The following CNTFR variants were observed in gnomAD, a reference collection of about 807,000 sequenced individuals.
CNTFR encodes the protein ciliary neurotrophic factor receptor subunit alpha.
A neutral mutation model predicts 40.4 loss-of-function variants in CNTFR; 12 were observed. The ratio of observed to expected loss-of-function variants is 0.30; its 90% CI spans 0.19 to 0.48. The LOEUF (loss-of-function observed/expected upper bound fraction) is 0.48. Among genes scored for constraint, CNTFR ranks in the 20% least tolerant of loss-of-function variants. The probability of loss-of-function intolerance (pLI) is 0.99; values close to 1 mark genes in which losing one functional copy is unlikely to be tolerated. For missense variants in CNTFR, 414 were observed against 506.8 expected (o/e 0.82, Z 1.76); for synonymous variants, 202 against 209.6 (o/e 0.96, Z 0.31).
chr9:34,569,031 G>T (rs748640401), intron 2 of CNTFR, 50 bp from the exon 3 acceptor site: 36 of 1,504,918 alleles, frequency 2.4e-5, no homozygotes, highest in Non-Finnish European at 3.3e-5. Context: ...GCCCAGGCAG[G>T]ACTGTCCTGG....
chr9:34,582,626 A>T (rs1331797137), intron 1 of CNTFR: 1 of 152,254 alleles, frequency 6.6e-6, no homozygotes, highest in Non-Finnish European at 1.5e-5. Flanking sequence ...CCAGAGATGC[A>T]GAGACACCAC....
chr9:34,560,609 C>G (rs961615676), intron 4 of CNTFR, among the ~76,000 whole-genome samples: 7 of 152,238 alleles, frequency 4.6e-5, no homozygotes, highest in Non-Finnish European at 1.0e-4. Flanking sequence ...GAATTCACAG[C>G]ATGTTCACAC....
At position 34,578,384 on chromosome 9, in the gene CNTFR, G is replaced by C. The variant is rs574890630; in HGVS notation, c.-1+2711C>G. Among the ~76,000 whole-genome samples, 578 of 152,250 alleles carry C rather than the reference G, an allele frequency of 3.8e-3. 4 individuals carry two copies. The highest frequency in any genetic ancestry group is 0.013 in the African/African-American group (529 of 41,554). On this transcript the variant is annotated intron_variant, in intron 2 of 9. Coordinates refer to ENST00000378980, the MANE Select transcript of CNTFR (RefSeq NM_147164.3). Reference sequence around the variant, plus strand: ...GAGGAGATGTGGCACTTGATGCTGGGGGAGGGGAGGCAGAAGGGACCCTCC... The same window carrying C: ...GAGGAGATGTGGCACTTGATGCTGGCGGAGGGGAGGCAGAAGGGACCCTCC...
In CNTFR at chr9:34,564,789, T is replaced by C. The variant is rs1826212902; in HGVS notation, c.129A>G (p.Thr43=). The C allele has an allele frequency of 1.9e-6, 3 of 1,614,042 alleles. No individual in the cohort carries two copies. The highest frequency in any genetic ancestry group is 1.1e-5 in the South Asian group (1 of 91,080). ...VQYERLGSDV[T]LPCGTANWDA... is the part of the protein sequence containing the mutation. ...CCCAGTTTGCTGTCCCACATGGCAG[T>C]GTCACGTCAGAGCCCAGGCGCTCGT... Residue 43 remains threonine (T), a synonymous_variant, in exon 4 of 10, where the codon ACA becomes ACG. Transcript: ENST00000378980.
At position 34,552,097 on chromosome 9, in the gene CNTFR, A is replaced by C; in HGVS notation, c.*-26T>G. ...CTGTAGAGACAGGCAGGGGCCTGTC[A>C]GGGAGGGGGCTGGAGTGGGGGTTCC... On this transcript the variant is annotated intron_variant, in intron 9 of 9. Coordinates refer to ENST00000378980, the MANE Select transcript of CNTFR (RefSeq NM_147164.3). This position sits in a 1 kb window ranked among gnomAD's most constrained non-coding sequence, Gnocchi z 5.1. 1 of 1,590,528 alleles carries C rather than the reference A, an allele frequency of 6.3e-7. No individual in the cohort carries two copies. Among genetic ancestry groups the C allele is most frequent in the Non-Finnish European group, 8.6e-7 (1 of 1,164,648 alleles).
rs1825697946 is a variant in CNTFR, at chr9:34,552,917, C to T, written c.769-63G>A. 1 of 1,545,734 alleles carries T rather than the reference C, an allele frequency of 6.5e-7. No individual in the cohort carries two copies. Among genetic ancestry groups the T allele is most frequent in the Admixed American group, 1.9e-5 (1 of 53,590 alleles). On this transcript the variant is annotated intron_variant, in intron 7 of 9. Coordinates refer to ENST00000378980, the MANE Select transcript of CNTFR (RefSeq NM_147164.3). This position sits in a 1 kb window ranked among gnomAD's most constrained non-coding sequence, Gnocchi z 5.1. The stretch of plus-strand genomic sequence containing the variant: ...TGGGGGCCAGGAGGGTGAGGTCCCT[C>T]CAGAGGAAGTGAGCATGCCTCTGAG...
chr9:34,552,659 C>A lies in CNTFR; in HGVS notation c.949+15G>T. 6.2e-7 allele frequency: 1 copy of A among 1,610,324 alleles called. No individual in the cohort carries two copies. The highest frequency in any genetic ancestry group is 1.1e-5 in the South Asian group (1 of 90,786). On this transcript the variant is annotated intron_variant, in intron 8 of 9. Coordinates refer to ENST00000378980, the MANE Select transcript of CNTFR (RefSeq NM_147164.3). This position sits in a 1 kb window ranked among gnomAD's most constrained non-coding sequence, Gnocchi z 5.1. ...GGACAGCAAAGCCAGGAGGTAGGGG[C>A]GGGAGCAAGCTCACCCGCAGCCTGG...
chr9:34,554,465 T>A (rs1426722944), intron 7 of CNTFR, among the ~76,000 whole-genome samples: 2 of 152,190 alleles, frequency 1.3e-5, no homozygotes, highest in African/African-American at 4.8e-5. Context: ...CTTGCTAGGT[T>A]ATCAGTGATC....
intron 2 of CNTFR, chr9:34,580,306 G>A (rs1001266412): frequency 5.9e-5 from 9 of 152,140 alleles, no homozygotes; most frequent in African/African-American, 1.7e-4. Flanking sequence ...GGTCCTCTGG[G>A]AACAGTGGGG....
chr9:34,566,868 A>C (rs1826321392), intron 3 of CNTFR, among the ~76,000 whole-genome samples: 1 of 152,212 alleles, frequency 6.6e-6, no homozygotes, highest in African/African-American at 2.4e-5. Context: ...GCTGCACAAA[A>C]AAAGTAGAAA....
At chr9:34,585,033 C>A (rs1016020064) in intron 1 of CNTFR, among the ~76,000 whole-genome samples, 2 of 152,220 alleles carry the variant, frequency 1.3e-5, no homozygotes, top group African/African-American at 2.4e-5. Flanking sequence ...GTGATTCATG[C>A]CTCAACATTT....
intron 4 of CNTFR, among the ~76,000 whole-genome samples, chr9:34,564,262 C>T (rs909414393): frequency 1.3e-5 from 2 of 152,208 alleles, no homozygotes; most frequent in African/African-American, 2.4e-5. Flanking sequence ...TCCTCCAGCT[C>T]AGATCCGTGA....
At position 34,578,979 on chromosome 9, in the gene CNTFR, C is replaced by G. The variant is rs188811552; in HGVS notation, c.-1+2116G>C. ...ACTCCTAGGGTCTCCAGGGAGGGAC[C>G]AGGCTGCCCAGAGGGTGACGGACAG... On this transcript the variant is annotated intron_variant, in intron 2 of 9. Transcript: ENST00000378980. Among the ~76,000 whole-genome samples the G allele has an allele frequency of 6.0e-3, 919 of 152,322 alleles. 11 individuals carry two copies. Among genetic ancestry groups the G allele is most frequent in the African/African-American group, 0.02 (843 of 41,550 alleles).
At chr9:34,577,807 G>A (rs1254894608) in intron 2 of CNTFR, among the ~76,000 whole-genome samples, 2 of 151,914 alleles carry the variant, frequency 1.3e-5, no homozygotes, top group Non-Finnish European at 2.9e-5. Flanking sequence ...GGCTGCAGAG[G>A]CAGGGGGGCT....
In CNTFR at chr9:34,552,761, C is replaced by T; in HGVS notation, c.862G>A (p.Gly288Arg). The T allele has an allele frequency of 3.7e-6, 6 of 1,613,878 alleles. No individual in the cohort carries two copies. The highest frequency in any genetic ancestry group is 5.1e-6 in the Non-Finnish European group (6 of 1,179,956). ...GCTACGCTCCAGTCACTCCATGTCCCAATCTCATTGTCCTTGGCTGCCACC... is the reference window on the plus strand; with the variant it reads ...GCTACGCTCCAGTCACTCCATGTCCTAATCTCATTGTCCTTGGCTGCCACC... ...IQVAAKDNEI[G>R]TWSDWSVAAH... Residue 288 changes from glycine to arginine, a missense_variant, in exon 8 of 10, where the codon GGG becomes AGG. Physicochemically the swap from Gly to Arg is moderately radical, Grantham distance 125. Transcript: ENST00000378980. The surrounding 1 kb of genome is among the most constrained non-coding windows in gnomAD (Gnocchi z 5.1).
chr9:34,553,187 G>A (rs1336328069), intron 7 of CNTFR, among the ~76,000 whole-genome samples: 5 of 152,128 alleles, frequency 3.3e-5, no homozygotes, highest in Admixed American at 2.0e-4. Flanking sequence ...CCCCTAGCCC[G>A]GCTGAATCCC....
chr9:34,568,346 G>A (rs374019672), intron 3 of CNTFR, among the ~76,000 whole-genome samples: 1 of 152,138 alleles, frequency 6.6e-6, no homozygotes, highest in Non-Finnish European at 1.5e-5. Flanking sequence ...GCCAATGGCC[G>A]AGCCCTGAGC....
intron 4 of CNTFR, among the ~76,000 whole-genome samples, chr9:34,563,327 C>T (rs1395992026): frequency 6.6e-6 from 1 of 152,220 alleles, no homozygotes; most frequent in African/African-American, 2.4e-5. Context: ...GAGCCTCCCT[C>T]CCACCCCAGG....
chr9:34,587,291 G>C (rs777438471), intron 1 of CNTFR, among the ~76,000 whole-genome samples: 1 of 152,210 alleles, frequency 6.6e-6, no homozygotes, highest in Non-Finnish European at 1.5e-5. Context: ...CTTATATGGA[G>C]TCCTAGTGTG....
Sources: allele counts gnomAD v4.1 joint callset (sites outside exome capture counted in the v4.1 genomes callset), GRCh38; gene constraint gnomAD v4.1.1; non-coding constraint Gnocchi (gnomAD v3.1); transcripts MANE v1.5; gene names NCBI Gene and HGNC (gene_info 2026-07-23, HGNC 2026-07-21).